The following DLG2 variants were observed in gnomAD, a reference collection of about 807,000 sequenced individuals.
The protein encoded by DLG2 is disks large homolog 2.
DLG2 carries 45 observed loss-of-function variants against 132.5 expected under a neutral mutation model. The observed-to-expected ratio is 0.34, with a 90% CI of 0.27 to 0.44. The LOEUF is 0.44. DLG2 is among the 20% of genes least tolerant of loss of function. The pLI, the probability that DLG2 is intolerant of heterozygous loss-of-function variation, is 1.00. For missense variants in DLG2, 1,045 were observed against 1,196.9 expected, an observed-to-expected ratio of 0.87 and a Z score of 1.87; for synonymous variants, 424 against 419.6, an observed-to-expected ratio of 1.01 and a Z score of -0.13.
chr11:84,109,370 A>G (rs1411215969), intron 9 of DLG2, among the ~76,000 whole-genome samples: 1 of 152,222 alleles, frequency 6.6e-6, no homozygotes, highest in Admixed American at 6.5e-5. Context: ...TTATCTGAGT[A>G]AGGAGCGATA....
intron 3 of DLG2, among the ~76,000 whole-genome samples, chr11:85,543,492 G>T (rs559359508): frequency 6.6e-6 from 1 of 152,198 alleles, no homozygotes; most frequent in South Asian, 2.1e-4. Flanking sequence ...AATCCTTTGG[G>T]TATATACCCA....
intron 11 of DLG2, among the ~76,000 whole-genome samples, chr11:83,986,708 C>G (rs2093345806): frequency 6.6e-6 from 1 of 152,018 alleles, no homozygotes; most frequent in South Asian, 2.1e-4. Context: ...TCTCCACATC[C>G]TCTCCAGCAC....
rs540903568 is a variant in DLG2 at position 83,766,651 on chromosome 11, T to C, written c.1825+20039A>G. On this transcript the variant is annotated intron_variant, in intron 18 of 27. Coordinates refer to ENST00000376104, the MANE Select transcript of DLG2 (RefSeq NM_001142699.3). ...TTGTGGGAATGCTTCTGAGTCATTA[T>C]TAGCAATGCTTTTGTTTGCTATTGT... Among the ~76,000 whole-genome samples, 3 of 152,302 alleles carry C rather than the reference T, an allele frequency of 2.0e-5. No homozygotes were observed. In the East Asian group the frequency reaches 5.8e-4, roughly 29 times the overall value.
intron 17 of DLG2, among the ~76,000 whole-genome samples, chr11:83,824,689 C>CT (rs1351772709): frequency 1.3e-5 from 2 of 151,922 alleles, no homozygotes; most frequent in Non-Finnish European, 2.9e-5. Context: ...AATTATGAAC[C>CT]TTTTTTATGA....
At chr11:84,613,148 A>C (rs1254588494) in intron 6 of DLG2, among the ~76,000 whole-genome samples, 1 of 152,108 alleles carries the variant, frequency 6.6e-6, no homozygotes, top group Non-Finnish European at 1.5e-5. Context: ...TCCTAGCAAC[A>C]CTATCAGGAC....
At chr11:85,510,932 T>C (rs1355628542) in intron 3 of DLG2, among the ~76,000 whole-genome samples, 3 of 152,200 alleles carry the variant, frequency 2.0e-5, no homozygotes, top group Admixed American at 1.3e-4. Context: ...CGTATGTTTA[T>C]TGTGGCACTA....
chr11:85,465,993 C>T (rs960363171), intron 3 of DLG2, among the ~76,000 whole-genome samples: 1 of 152,104 alleles, frequency 6.6e-6, no homozygotes, highest in African/African-American at 2.4e-5. Context: ...TTAATGATTG[C>T]CATTCTAACT....
intron 17 of DLG2, among the ~76,000 whole-genome samples, chr11:83,805,171 G>T (rs2045581899): frequency 6.6e-6 from 1 of 152,034 alleles, no homozygotes; most frequent in Non-Finnish European, 1.5e-5. Flanking sequence ...CTATAAGGTG[G>T]TTTATTTGAG....
intron 3 of DLG2, among the ~76,000 whole-genome samples, chr11:85,286,616 G>A (rs1438833988): frequency 6.6e-6 from 1 of 152,010 alleles, no homozygotes; most frequent in African/African-American, 2.4e-5. Flanking sequence ...AAGAGCTACA[G>A]GATAGAGAGA....
In DLG2 at chr11:84,791,674, G is replaced by C. The variant is rs780720295; in HGVS notation, c.358-256943C>G. On this transcript the variant is annotated intron_variant, in intron 6 of 27. Coordinates refer to ENST00000376104, the MANE Select transcript of DLG2 (RefSeq NM_001142699.3). Reference sequence around the variant, plus strand: ...CTTTTGCTTCTTTGACTAATTCCTAGATATTTAATTTTATTTATGGCTACT... The same window carrying C: ...CTTTTGCTTCTTTGACTAATTCCTACATATTTAATTTTATTTATGGCTACT... Among the ~76,000 whole-genome samples, 4 of 151,694 alleles carry C rather than the reference G, an allele frequency of 2.6e-5. 1 individual carries two copies. The highest frequency in any genetic ancestry group is 5.9e-5 in the Non-Finnish European group (4 of 67,898).
chr11:84,256,291 G>A lies in DLG2; in HGVS notation c.520-5000C>T, dbSNP rs369800171. On this transcript the variant is annotated intron_variant, in intron 7 of 27. Transcript: ENST00000376104. ...TGCCTCTGACATATGTGGACAGGTG[G>A]TCATGAAGCCAACTATGGTGAAGAA... Among the ~76,000 whole-genome samples, 21 of 152,304 alleles carry A rather than the reference G, an allele frequency of 1.4e-4. No individual in the cohort carries two copies. The East Asian group carries it at 2.1e-3, about 15-fold the overall frequency.
intron 6 of DLG2, among the ~76,000 whole-genome samples, chr11:84,755,229 A>T (rs932545551): frequency 2.0e-5 from 3 of 152,228 alleles, no homozygotes; most frequent in Non-Finnish European, 4.4e-5. Flanking sequence ...GAAAAATATT[A>T]ACCCAAGTAC....
chr11:83,830,957 G>T (rs549606321), intron 17 of DLG2, among the ~76,000 whole-genome samples: 1 of 152,346 alleles, frequency 6.6e-6, no homozygotes, highest in East Asian at 1.9e-4. Context: ...CAGAATGTAA[G>T]CCAGGATGAT....
At chr11:84,203,814 C>G (rs1300735745) in intron 8 of DLG2, among the ~76,000 whole-genome samples, 2 of 152,094 alleles carry the variant, frequency 1.3e-5, no homozygotes, top group East Asian at 1.9e-4. Context: ...TCAGGAAGAA[C>G]AGCTAATAGA....
chr11:85,509,198 C>A (rs182382719), intron 3 of DLG2, among the ~76,000 whole-genome samples: 1 of 152,010 alleles, frequency 6.6e-6, no homozygotes, highest in South Asian at 2.1e-4. Flanking sequence ...CCTATCTACA[C>A]CTGAGTCCTG....
intron 3 of DLG2, among the ~76,000 whole-genome samples, chr11:85,483,284 G>A (rs2093342032): frequency 6.6e-6 from 1 of 152,186 alleles, no homozygotes; most frequent in African/African-American, 2.4e-5. Flanking sequence ...GGACGTTACA[G>A]GCCAAGAGAG....
rs1000917510 is a variant in DLG2 at position 83,668,620 on chromosome 11, T to A, written c.1826-35295A>T. 5.3e-5 allele frequency among the ~76,000 whole-genome samples: 8 copies of A among 151,398 alleles called. No individual in the cohort carries two copies. In the East Asian group the frequency reaches 1.5e-3, roughly 29 times the overall value. ...AATAAAATGGAAGAAAAACTATATATACACACACACATGTATATATACACA... is the reference window on the plus strand; with the variant it reads ...AATAAAATGGAAGAAAAACTATATAAACACACACACATGTATATATACACA... On this transcript the variant is annotated intron_variant, in intron 18 of 27. Coordinates refer to ENST00000376104, the MANE Select transcript of DLG2 (RefSeq NM_001142699.3).
At chr11:84,403,384 C>A (rs906160366) in intron 7 of DLG2, among the ~76,000 whole-genome samples, 1 of 152,198 alleles carries the variant, frequency 6.6e-6, no homozygotes, top group Admixed American at 6.5e-5. Flanking sequence ...TCCCCAGTTT[C>A]CCTGACAGCC....
At chr11:84,797,636 T>A (rs1301023610) in intron 6 of DLG2, among the ~76,000 whole-genome samples, 1 of 152,212 alleles carries the variant, frequency 6.6e-6, no homozygotes, top group African/African-American at 2.4e-5. Context: ...CTCCGTATTT[T>A]CTTGAATTAG....
Sources: gnomAD v4.1 joint callset for allele counts (sites outside exome capture counted in the v4.1 genomes callset) on GRCh38, gnomAD v4.1.1 for gene constraint, MANE v1.5 for transcripts, NCBI Gene and HGNC (gene_info 2026-07-23, HGNC 2026-07-21) for gene names.